The following STK32B variants were observed in gnomAD, a reference collection of about 807,000 sequenced individuals.
The protein encoded by STK32B is serine/threonine-protein kinase 32B.
A neutral mutation model predicts 52.6 loss-of-function variants in STK32B; 43 were observed. That is an observed-to-expected ratio of 0.82 (90% CI 0.64 to 1.05). STK32B has a LOEUF of 1.05. Among genes scored for constraint, STK32B ranks in the 50% least tolerant of loss-of-function variants. The probability of loss-of-function intolerance (pLI) is 0.00; values close to 1 mark genes in which losing one functional copy is unlikely to be tolerated. For missense variants in STK32B, 621 were observed against 534.6 expected, an observed-to-expected ratio of 1.16 and a Z score of -1.59; for synonymous variants, 238 against 204.3, an observed-to-expected ratio of 1.17 and a Z score of -1.41.
chr4:5,126,944 G>A (rs1715400656), intron 1 of STK32B, among the ~76,000 whole-genome samples: 1 of 152,156 alleles, frequency 6.6e-6, no homozygotes, highest in East Asian at 1.9e-4. Context: ...GCAGCAGAAA[G>A]GGGAGTGGTG....
intron 3 of STK32B, among the ~76,000 whole-genome samples, chr4:5,323,660 CATT>C (rs1340153702): frequency 1.3e-5 from 2 of 152,216 alleles, no homozygotes; most frequent in Non-Finnish European, 2.9e-5. Flanking sequence ...GTGTAGACAT[CATT>C]GACTGACCCA....
intron 3 of STK32B, among the ~76,000 whole-genome samples, chr4:5,279,535 G>T (rs1378178835): frequency 1.3e-5 from 2 of 152,178 alleles, no homozygotes; most frequent in Non-Finnish European, 2.9e-5. Flanking sequence ...CAGGTACACA[G>T]TGCAAGCTGT....
intron 3 of STK32B, among the ~76,000 whole-genome samples, chr4:5,206,308 C>T (rs571415722): frequency 6.6e-6 from 1 of 152,338 alleles, no homozygotes; most frequent in East Asian, 1.9e-4. Context: ...GGTCCTAGGA[C>T]AGGCAGTGGC....
intron 4 of STK32B, among the ~76,000 whole-genome samples, chr4:5,376,428 C>G (rs1445968286): frequency 6.6e-6 from 1 of 151,860 alleles, no homozygotes; most frequent in Non-Finnish European, 1.5e-5. Flanking sequence ...CCCTGCCCCC[C>G]TCTCTCCCTC....
At chr4:5,250,588 C>T (rs922930967) in intron 3 of STK32B, among the ~76,000 whole-genome samples, 4 of 152,184 alleles carry the variant, frequency 2.6e-5, no homozygotes, top group Admixed American at 6.5e-5. Flanking sequence ...GCTAGGATTA[C>T]AGGCGTGAGC....
intron 1 of STK32B, among the ~76,000 whole-genome samples, chr4:5,069,011 T>C (rs1711593688): frequency 6.6e-6 from 1 of 152,186 alleles, no homozygotes; most frequent in Non-Finnish European, 1.5e-5. Flanking sequence ...GTTAACCTTT[T>C]GTAGACCTTT....
chr4:5,254,409 T>A (rs879478957), intron 3 of STK32B, among the ~76,000 whole-genome samples: 11 of 152,286 alleles, frequency 7.2e-5, no homozygotes, highest in Admixed American at 2.6e-4. Context: ...CTTAAAAAAT[T>A]ATGTCCTAAC....
chr4:5,209,271 G>T (rs1404861078), intron 3 of STK32B, among the ~76,000 whole-genome samples: 1 of 152,142 alleles, frequency 6.6e-6, no homozygotes, highest in Non-Finnish European at 1.5e-5. Context: ...ACCTGTGCTG[G>T]AGTGCAGTGT....
chr4:5,320,814 T>C (rs1328632155), intron 3 of STK32B, among the ~76,000 whole-genome samples: 1 of 152,208 alleles, frequency 6.6e-6, no homozygotes, highest in Non-Finnish European at 1.5e-5. Context: ...TGTGTTTACA[T>C]TGTATTTTAA....
Position 5,208,560 on chromosome 4 carries a change from A to G in STK32B, c.260+40110A>G, listed in dbSNP as rs553298828. 3.3e-5 allele frequency among the ~76,000 whole-genome samples: 5 copies of G among 152,328 alleles called. No homozygotes were observed. The East Asian group carries it at 9.7e-4, about 29-fold the overall frequency. Reference sequence around the variant, plus strand: ...AGTCCTGGCAAAACTAAATGACTTTATTAACATCACTCAGCTGGTAGGACT... The same window carrying G: ...AGTCCTGGCAAAACTAAATGACTTTGTTAACATCACTCAGCTGGTAGGACT... On this transcript the variant is annotated intron_variant, in intron 3 of 11. Coordinates refer to ENST00000282908, the MANE Select transcript of STK32B (RefSeq NM_018401.3).
chr4:5,143,095 C>G (rs1170070147), intron 2 of STK32B, among the ~76,000 whole-genome samples: 1 of 143,460 alleles, frequency 7.0e-6, no homozygotes, highest in African/African-American at 2.6e-5. Flanking sequence ...CTGTTTCTGT[C>G]TCTGTCTCTG....
intron 3 of STK32B, among the ~76,000 whole-genome samples, chr4:5,315,957 G>A (rs946046014): frequency 4.7e-5 from 7 of 150,186 alleles, no homozygotes; most frequent in Middle Eastern, 3.4e-3. Flanking sequence ...TGCCTGCCTC[G>A]GCCTCCCAAA....
intron 1 of STK32B, among the ~76,000 whole-genome samples, chr4:5,070,017 G>T (rs1392716905): frequency 6.6e-6 from 1 of 152,186 alleles, no homozygotes; most frequent in Non-Finnish European, 1.5e-5. Context: ...AACACAGGAG[G>T]CACAAAACAT....
intron 3 of STK32B, among the ~76,000 whole-genome samples, chr4:5,279,360 T>C (rs1728045439): frequency 6.6e-6 from 1 of 152,208 alleles, no homozygotes; most frequent in African/African-American, 2.4e-5. Context: ...CATTAAATTT[T>C]AAAGCTCCAA....
At chr4:5,031,714 G>A in the STK32B span, among the ~76,000 whole-genome samples, 8 of 152,200 alleles carry the variant, frequency 5.3e-5, no homozygotes, top group African/African-American at 1.7e-4. Context: ...GAAGCTGCAC[G>A]TTACAGAGGC....
chr4:5,327,881 T>G (rs994264079), intron 3 of STK32B, among the ~76,000 whole-genome samples: 1 of 152,246 alleles, frequency 6.6e-6, no homozygotes, highest in Non-Finnish European at 1.5e-5. Context: ...AGCTATTTGC[T>G]ATTTTATCTA....
intron 1 of STK32B, among the ~76,000 whole-genome samples, chr4:5,082,669 G>C (rs899019496): frequency 1.3e-5 from 2 of 151,856 alleles, no homozygotes; most frequent in Non-Finnish European, 2.9e-5. Flanking sequence ...GTTCTTTGTG[G>C]TTTTTTGTTT....
intron 3 of STK32B, among the ~76,000 whole-genome samples, chr4:5,276,997 G>T (rs920253231): frequency 6.6e-6 from 1 of 152,142 alleles, no homozygotes. Flanking sequence ...GAAGATGAAC[G>T]CCAGATTTTG....
At chr4:5,464,284 C>T (rs999658475) in intron 9 of STK32B, among the ~76,000 whole-genome samples, 6 of 152,224 alleles carry the variant, frequency 3.9e-5, no homozygotes, top group Non-Finnish European at 8.8e-5. Context: ...AGGGGACAGG[C>T]AAGTTATGTC....
Sources: allele counts gnomAD v4.1 joint callset (sites outside exome capture counted in the v4.1 genomes callset), GRCh38; gene constraint gnomAD v4.1.1; transcripts MANE v1.5; gene names NCBI Gene and HGNC (gene_info 2026-07-23, HGNC 2026-07-21).